PTPRO: variants seen among roughly 807,000 people sequenced by gnomAD.
PTPRO encodes protein tyrosine phosphatase receptor type O, also known as receptor-type tyrosine-protein phosphatase O.
Under a neutral mutation model 145.2 loss-of-function variants are expected in PTPRO, and 62 were observed. That is an observed-to-expected ratio of 0.43 (90% CI 0.35 to 0.53). The LOEUF (loss-of-function observed/expected upper bound fraction) is 0.53. Among genes scored for constraint, PTPRO ranks in the 20% least tolerant of loss-of-function variants. The pLI is 0.01. For synonymous variants in PTPRO, 565 were observed against 514.7 expected (o/e 1.10, Z -1.32); for missense variants, 1,345 against 1,482.7 (o/e 0.91, Z 1.53).
chr12:15,342,416 T>C (rs549102778), intron 1 of PTPRO, among the ~76,000 whole-genome samples: 1 of 149,248 alleles, frequency 6.7e-6, no homozygotes, highest in Non-Finnish European at 1.5e-5. Context: ...TTGAGCATAA[T>C]TTATTCTTTC....
chr12:15,439,609 G>A (rs1192422175), intron 1 of PTPRO: 3 of 294,740 alleles, frequency 1.0e-5, no homozygotes, highest in East Asian at 9.7e-5. Context: ...TTTCGTGGAG[G>A]TTTTGGCAGT....
Position 15,499,542 on chromosome 12 carries a change from T to C in PTPRO, c.609T>C (p.Ser203=). The C allele has an allele frequency of 6.2e-7, 1 of 1,613,882 alleles. No homozygotes were observed. Among genetic ancestry groups the C allele is most frequent in the Non-Finnish European group, 8.5e-7 (1 of 1,179,806 alleles). The change falls in exon 4 of 27, where the codon AGT becomes AGC. Residue 203 remains serine (S), a synonymous_variant. Coordinates refer to ENST00000281171, the MANE Select transcript of PTPRO (RefSeq NM_030667.3). ...QLVSEATFNK[S]TLVEYSGVSH... is the part of the protein sequence containing the mutation. ...TATCTGAGGCAACTTTTAATAAAAG[T>C]ACCCTTGTTGAGTACAGTGGTGTCA...
At chr12:15,383,304 C>T (rs1938921214) in intron 1 of PTPRO, among the ~76,000 whole-genome samples, 1 of 152,032 alleles carries the variant, frequency 6.6e-6, no homozygotes, top group African/African-American at 2.4e-5. Flanking sequence ...GAACTTTCTT[C>T]TTTTTTAAGA....
At chr12:15,353,700 C>T (rs959142356) in intron 1 of PTPRO, among the ~76,000 whole-genome samples, 2 of 152,132 alleles carry the variant, frequency 1.3e-5, no homozygotes, top group Admixed American at 6.5e-5. Context: ...TGCTATTGTT[C>T]TTTGGCTATC....
intron 1 of PTPRO, among the ~76,000 whole-genome samples, chr12:15,432,751 C>T (rs1337457828): frequency 2.0e-5 from 3 of 152,188 alleles, no homozygotes; most frequent in African/African-American, 7.2e-5. Flanking sequence ...CTCTAATAAT[C>T]AGTGATGCTG....
chr12:15,484,076 A>C lies in PTPRO; in HGVS notation c.178A>C (p.Ile60Leu), dbSNP rs770985401. The C allele has an allele frequency of 6.2e-7, 1 of 1,613,886 alleles. No individual in the cohort carries two copies. The highest frequency in any genetic ancestry group is 8.5e-7 in the Non-Finnish European group (1 of 1,179,818). Reference sequence around the variant, plus strand: ...TCCAGCATCTGTGTATGTTGTGAAGATAACTGGTGAATCCAAAAATTATTT... The same window carrying C: ...TCCAGCATCTGTGTATGTTGTGAAGCTAACTGGTGAATCCAAAAATTATTT... Reference protein sequence around the residue: ...ISPASVYVVKITGESKNYFFE... With the variant: ...ISPASVYVVKLTGESKNYFFE... The change falls in exon 2 of 27, where the codon ATA becomes CTA. Residue 60 changes from isoleucine (I) to leucine (L), a missense_variant. Around this residue, in one of 3 missense-constraint regions of PTPRO, gnomAD observed 1,130 missense variants for 1,214.7 expected, o/e 0.93. Transcript: ENST00000281171.
intron 9 of PTPRO, among the ~76,000 whole-genome samples, chr12:15,517,257 G>A (rs1413314619): frequency 6.6e-6 from 1 of 152,136 alleles, no homozygotes; most frequent in Non-Finnish European, 1.5e-5. Context: ...GCTTGTGTAG[G>A]AAAACTCCCT....
intron 3 of PTPRO, among the ~76,000 whole-genome samples, chr12:15,498,302 C>T (rs1942148950): frequency 6.6e-6 from 1 of 152,166 alleles, no homozygotes; most frequent in African/African-American, 2.4e-5. Context: ...CGCCTGTAAT[C>T]CCAGCACTTT....
intron 1 of PTPRO, among the ~76,000 whole-genome samples, chr12:15,355,439 G>T (rs944187427): frequency 4.6e-5 from 7 of 152,134 alleles, no homozygotes; most frequent in Non-Finnish European, 8.8e-5. Flanking sequence ...ACCCAGTTTT[G>T]CTGGGCAATT....
At position 15,442,955 on chromosome 12, in the gene PTPRO, A is replaced by G. The variant is rs1215852759; in HGVS notation, c.76-41019A>G. 2.0e-5 allele frequency among the ~76,000 whole-genome samples: 3 copies of G among 152,162 alleles called. No homozygotes were observed. In the East Asian group the frequency reaches 5.8e-4, roughly 29 times the overall value. On this transcript the variant is annotated intron_variant, in intron 1 of 26. Transcript: ENST00000281171. ...TCAAGCTACCAACATCATTTTTCACAGAGCTAGAAAAAAAACTATTCTAAA... is the reference window on the plus strand; with the variant it reads ...TCAAGCTACCAACATCATTTTTCACGGAGCTAGAAAAAAAACTATTCTAAA...
chr12:15,385,144 A>G (rs866339069), intron 1 of PTPRO, among the ~76,000 whole-genome samples: 3 of 152,354 alleles, frequency 2.0e-5, no homozygotes, highest in Middle Eastern at 6.8e-3. Context: ...CAGGGCTGAA[A>G]ATATTTATTG....
intron 1 of PTPRO, among the ~76,000 whole-genome samples, chr12:15,443,486 A>C (rs895721759): frequency 3.9e-5 from 6 of 152,130 alleles, no homozygotes; most frequent in African/African-American, 1.4e-4. Context: ...AACAAAAACA[A>C]AAAATGACAA....
intron 1 of PTPRO, among the ~76,000 whole-genome samples, chr12:15,466,579 T>C (rs935335674): frequency 1.2e-4 from 19 of 152,182 alleles, no homozygotes; most frequent in African/African-American, 4.6e-4. Context: ...TTTTAGACCA[T>C]CAAAATTAAG....
chr12:15,331,942 C>G (rs1242549813), intron 1 of PTPRO, among the ~76,000 whole-genome samples: 1 of 146,854 alleles, frequency 6.8e-6, no homozygotes, highest in African/African-American at 2.5e-5. Context: ...TTATAGTATC[C>G]TTTTTGTTTC....
intron 14 of PTPRO, 49 bp downstream of exon 14, chr12:15,549,275 A>G (rs770895332): frequency 7.3e-7 from 1 of 1,377,312 alleles, no homozygotes; most frequent in Non-Finnish European, 9.8e-7. Flanking sequence ...TTGAATATAT[A>G]TATATATATG....
chr12:15,535,573 T>C (rs1186145125), intron 12 of PTPRO, among the ~76,000 whole-genome samples: 2 of 152,270 alleles, frequency 1.3e-5, no homozygotes, highest in East Asian at 1.9e-4. Flanking sequence ...TTCAGTGCTA[T>C]GTCCTCATTT....
chr12:15,553,511 G>A (rs1162099341), intron 15 of PTPRO, among the ~76,000 whole-genome samples: 1 of 152,174 alleles, frequency 6.6e-6, no homozygotes, highest in Non-Finnish European at 1.5e-5. Context: ...TGGGGTAGGA[G>A]CACGACTGGG....
chr12:15,332,391 T>C (rs1866638706), intron 1 of PTPRO, among the ~76,000 whole-genome samples: 2 of 152,228 alleles, frequency 1.3e-5, no homozygotes, highest in Admixed American at 1.3e-4. Context: ...CCAACTTTCT[T>C]ATAAAACACT....
At chr12:15,549,289 T>TCAAAAAAAG in intron 14 of PTPRO, 63 bp downstream of exon 14, 1 of 1,235,420 alleles carries the variant, frequency 8.1e-7, no homozygotes, top group Non-Finnish European at 1.1e-6. Context: ...ATATATGTAT[T>TCAAAAAAAG]TGTATCAATA....
Sources: allele counts gnomAD v4.1 joint callset (sites outside exome capture counted in the v4.1 genomes callset), GRCh38; gene constraint gnomAD v4.1.1; regional missense constraint gnomAD v4.1.1; transcripts MANE v1.5; gene names NCBI Gene and HGNC (gene_info 2026-07-23, HGNC 2026-07-21).